RARB: variants seen among roughly 807,000 people sequenced by gnomAD.
RARB encodes retinoic acid receptor beta, also known as HBV-activated protein.
RARB carries 17 observed loss-of-function variants against 51.9 expected under a neutral mutation model. The ratio of observed to expected loss-of-function variants is 0.33; its 90% confidence interval spans 0.22 to 0.49. The LOEUF is 0.49. Ranked by LOEUF, RARB falls within the 20% of genes least tolerant of loss-of-function variation. RARB has a pLI of 0.99. For synonymous variants in RARB, 215 were observed against 195.4 expected (o/e 1.10, Z -0.84); for missense variants, 369 against 550.8 (o/e 0.67, Z 3.30).
At chr3:25,310,019 G>A (rs183102725) in intron 5 of RARB, among the ~76,000 whole-genome samples, 59 of 152,348 alleles carry the variant, frequency 3.9e-4, no homozygotes, top group Admixed American at 3.9e-4. Context: ...CAGCATGGTA[G>A]TATTGTCCTT....
intron 2 of RARB, among the ~76,000 whole-genome samples, chr3:24,961,461 T>C (rs1696137288): frequency 6.6e-6 from 1 of 152,262 alleles, no homozygotes; most frequent in South Asian, 2.1e-4. Flanking sequence ...CAATTGGCTG[T>C]TCTCTGTATC....
intron 2 of RARB, among the ~76,000 whole-genome samples, chr3:24,913,355 A>G (rs143872173): frequency 0.018 from 2,761 of 150,696 alleles, 50 homozygotes; most frequent in Middle Eastern, 0.067. Context: ...TTGTAGAGAC[A>G]ACTTACAAAT....
At chr3:24,852,225 G>A (rs757998796) in intron 1 of RARB, among the ~76,000 whole-genome samples, 1 of 152,168 alleles carries the variant, frequency 6.6e-6, no homozygotes, top group Non-Finnish European at 1.5e-5. Context: ...ATATTTGCGG[G>A]ACGAATCTGA....
chr3:25,496,882 T>C (rs1313326708), intron 2 of RARB, among the ~76,000 whole-genome samples: 1 of 152,280 alleles, frequency 6.6e-6, no homozygotes, highest in East Asian at 1.9e-4. Flanking sequence ...GTTGTTTTTT[T>C]GTTTGTTTGT....
intron 2 of RARB, among the ~76,000 whole-genome samples, chr3:24,975,616 C>T (rs1696493829): frequency 6.6e-6 from 1 of 152,156 alleles, no homozygotes; most frequent in South Asian, 2.1e-4. Flanking sequence ...CTAGTTGGTT[C>T]TATCCAGCAG....
chr3:25,434,483 CA>C lies in RARB; in HGVS notation c.157+5599del, dbSNP rs1708341393. Among the ~76,000 whole-genome samples, 10 of 150,836 alleles carry C rather than the reference CA, an allele frequency of 6.6e-5. 1 individual carries two copies. The South Asian group carries it at 2.1e-3, about 32-fold the overall frequency. ...AACCTCGCCAACTCTCCATATAGAA[CA>C]AAACGTGAGGGATTTCACGTTGTCA... On this transcript the variant is annotated intron_variant, in intron 1 of 7. Coordinates refer to ENST00000330688, the MANE Select transcript of RARB (RefSeq NM_000965.5).
At chr3:25,540,462 C>A (rs917983173) in intron 3 of RARB, among the ~76,000 whole-genome samples, 12 of 152,152 alleles carry the variant, frequency 7.9e-5, no homozygotes, top group African/African-American at 2.9e-4. Flanking sequence ...CAGTGAGCTC[C>A]CTGGATAGAC....
intron 5 of RARB, among the ~76,000 whole-genome samples, chr3:25,219,334 C>T (rs1701897463): frequency 6.6e-6 from 1 of 151,998 alleles, no homozygotes; most frequent in Non-Finnish European, 1.5e-5. Context: ...CTACCCTATT[C>T]TCATTTTCTG....
intron 3 of RARB, among the ~76,000 whole-genome samples, chr3:25,071,846 T>C (rs534874014): frequency 6.6e-6 from 1 of 152,308 alleles, no homozygotes; most frequent in African/African-American, 2.4e-5. Context: ...TGTCATGCTG[T>C]TGTCAAGCTT....
intron 3 of RARB, among the ~76,000 whole-genome samples, chr3:25,508,012 G>A (rs1024406394): frequency 1.3e-5 from 2 of 152,156 alleles, no homozygotes; most frequent in African/African-American, 4.8e-5. Context: ...GAGCCTCTTT[G>A]TATTGCTCTT....
At chr3:25,446,378 T>C (rs1708930640) in intron 1 of RARB, among the ~76,000 whole-genome samples, 1 of 152,272 alleles carries the variant, frequency 6.6e-6, no homozygotes, top group Non-Finnish European at 1.5e-5. Context: ...CCTATACATT[T>C]ACATTTTGTC....
intron 3 of RARB, among the ~76,000 whole-genome samples, chr3:25,076,433 A>C (rs532435254): frequency 1.3e-5 from 2 of 152,132 alleles, no homozygotes; most frequent in Non-Finnish European, 2.9e-5. Flanking sequence ...GGAACATTAT[A>C]TATGCTTTGT....
At chr3:24,941,466 T>A (rs1329322612) in intron 2 of RARB, among the ~76,000 whole-genome samples, 1 of 151,806 alleles carries the variant, frequency 6.6e-6, no homozygotes, top group Non-Finnish European at 1.5e-5. Context: ...GCCTCCCTGG[T>A]TCAAGTGATT....
chr3:25,057,032 A>G (rs1698455267), intron 2 of RARB, among the ~76,000 whole-genome samples: 1 of 152,020 alleles, frequency 6.6e-6, no homozygotes, highest in South Asian at 2.1e-4. Flanking sequence ...TATGTTTCCC[A>G]TGTTCCTTGG....
intron 5 of RARB, among the ~76,000 whole-genome samples, chr3:25,337,053 C>G (rs752705355): frequency 1.2e-4 from 18 of 152,136 alleles, no homozygotes; most frequent in Non-Finnish European, 2.4e-4. Flanking sequence ...TCTAGTAGAG[C>G]TAAACTCCAT....
intron 5 of RARB, among the ~76,000 whole-genome samples, chr3:25,183,939 C>A (rs185110394): frequency 6.6e-6 from 1 of 152,194 alleles, no homozygotes. Flanking sequence ...ATCCAGGATT[C>A]TTTTAGTTTC....
At chr3:24,980,131 G>A (rs937684480) in intron 2 of RARB, among the ~76,000 whole-genome samples, 1 of 152,208 alleles carries the variant, frequency 6.6e-6, no homozygotes, top group Admixed American at 6.5e-5. Flanking sequence ...TTTCTGCAAA[G>A]AGATCTGCTG....
chr3:25,026,524 T>G (rs192247549), intron 2 of RARB, among the ~76,000 whole-genome samples: 62 of 152,282 alleles, frequency 4.1e-4, no homozygotes, highest in African/African-American at 1.3e-3. Context: ...CATCCAAATT[T>G]CCTATTCTTA....
At chr3:25,415,231 T>TA (rs371714670) in intron 5 of RARB, among the ~76,000 whole-genome samples, 2 of 152,226 alleles carry the variant, frequency 1.3e-5, no homozygotes, top group Non-Finnish European at 2.9e-5. Context: ...TTGTTTTTTT[T>TA]ATGTGTCATA....
Sources: gnomAD v4.1 joint callset for allele counts (sites outside exome capture counted in the v4.1 genomes callset) on GRCh38, gnomAD v4.1.1 for gene constraint, MANE v1.5 for transcripts, NCBI Gene and HGNC (gene_info 2026-07-23, HGNC 2026-07-21) for gene names.